The following CDC42BPB variants were observed in gnomAD, a reference collection of about 807,000 sequenced individuals.
CDC42BPB encodes the protein CDC42 binding protein kinase beta, also known as serine/threonine-protein kinase MRCK beta.
A neutral mutation model predicts 214.9 loss-of-function variants in CDC42BPB; 37 were observed. The ratio of observed to expected loss-of-function variants is 0.17; its 90% CI spans 0.13 to 0.23. The LOEUF is 0.23. Among genes scored for constraint, CDC42BPB ranks in the 10% least tolerant of loss-of-function variants. The pLI, the probability that CDC42BPB is intolerant of heterozygous loss-of-function variation, is 1.00. For missense variants in CDC42BPB, 1,694 were observed against 2,227.0 expected (o/e 0.76, Z 4.82); for synonymous variants, 931 against 884.0 (o/e 1.05, Z -0.94).
At position 102,943,262 on chromosome 14, in the gene CDC42BPB, C is replaced by T. The variant is rs1393243678; in HGVS notation, c.4408+629G>A. On this transcript the variant is annotated intron_variant, in intron 30 of 36. Transcript: ENST00000361246. The surrounding 1 kb of genome is among the most constrained non-coding windows in gnomAD (Gnocchi z 4.6). ...GTGCTGGGATTACAGGTGTGAGCCACCGCTCTCCACCCGGTTTAAGGTTTT... is the reference window on the plus strand; with the variant it reads ...GTGCTGGGATTACAGGTGTGAGCCATCGCTCTCCACCCGGTTTAAGGTTTT... Among the ~76,000 whole-genome samples, 1 of 152,184 alleles carries T rather than the reference C, an allele frequency of 6.6e-6. No individual in the cohort carries two copies. The highest frequency in any genetic ancestry group is 1.5e-5 in the Non-Finnish European group (1 of 68,026).
At chr14:102,950,369 CGCA>C (rs1263567123) in intron 25 of CDC42BPB, 94 bp downstream of exon 25, 5 of 1,475,908 alleles carry the variant, frequency 3.4e-6, no homozygotes, top group Non-Finnish European at 3.7e-6. Context: ...GGCCACCTGC[CGCA>C]GCAAGGGGCT....
chr14:103,001,135 T>C lies in CDC42BPB; in HGVS notation c.448-1422A>G, dbSNP rs1894960052. 6.6e-6 allele frequency among the ~76,000 whole-genome samples: 1 copy of C among 152,012 alleles called. No individual in the cohort carries two copies. Among genetic ancestry groups the C allele is most frequent in the African/African-American group, 2.4e-5 (1 of 41,456 alleles). ...TCCACAGCTGTCCCACCCTGTGGAGTCTTCCTCAAGCCTCCCTGCCACCGC... is the reference window on the plus strand; with the variant it reads ...TCCACAGCTGTCCCACCCTGTGGAGCCTTCCTCAAGCCTCCCTGCCACCGC... On this transcript the variant is annotated intron_variant, in intron 4 of 36. Transcript: ENST00000361246. This position sits in a 1 kb window ranked among gnomAD's most constrained non-coding sequence, Gnocchi z 5.8.
intron 1 of CDC42BPB, among the ~76,000 whole-genome samples, chr14:103,044,401 G>T (rs1347411053): frequency 7.4e-6 from 1 of 134,672 alleles, no homozygotes; most frequent in African/African-American, 2.9e-5. Flanking sequence ...ACAGAGTCTC[G>T]CTCTGTCACC....
Position 103,001,810 on chromosome 14 carries a change from G to A in CDC42BPB, c.448-2097C>T, listed in dbSNP as rs754079361. 6.7e-4 allele frequency among the ~76,000 whole-genome samples: 102 copies of A among 152,140 alleles called. No homozygotes were observed. Among genetic ancestry groups the A allele is most frequent in the Non-Finnish European group, 1.2e-3 (80 of 68,022 alleles). ...GGGTCGAGTCAAGCCCTTACTAGCT[G>A]AGCCCCAGCCGCGTCCACGTCTGCC... On this transcript the variant is annotated intron_variant, in intron 4 of 36. Transcript: ENST00000361246. This position sits in a 1 kb window ranked among gnomAD's most constrained non-coding sequence, Gnocchi z 5.8.
At chr14:102,983,458 C>A (rs1017832043) in intron 7 of CDC42BPB, 98 bp downstream of exon 7, 14 of 1,531,242 alleles carry the variant, frequency 9.1e-6, no homozygotes, top group Non-Finnish European at 1.2e-5. Context: ...CTCAACTACT[C>A]GCGTTGCTTC....
chr14:102,990,766 CA>C (rs1894457194), intron 5 of CDC42BPB, among the ~76,000 whole-genome samples: 1 of 152,078 alleles, frequency 6.6e-6, no homozygotes, highest in Admixed American at 6.5e-5. Flanking sequence ...AGGGCATCCT[CA>C]AAAAGTGAAG....
chr14:102,945,872 CG>C (rs1566845516), intron 28 of CDC42BPB, 148 bp from the exon 29 acceptor site: 3 of 674,630 alleles, frequency 4.4e-6, no homozygotes, highest in Non-Finnish European at 2.6e-6. Context: ...ACTTCAGTAT[CG>C]GGGGTGACTT....
At chr14:102,954,797 G>A (rs1892643657) in intron 21 of CDC42BPB, 109 bp from the exon 22 acceptor site, 3 of 1,477,728 alleles carry the variant, frequency 2.0e-6, no homozygotes, top group Non-Finnish European at 2.7e-6. Flanking sequence ...TAGCCCAGAA[G>A]TCCCAGCGGT....
intron 27 of CDC42BPB, among the ~76,000 whole-genome samples, chr14:102,947,347 TG>T (rs1372966104): frequency 2.6e-5 from 4 of 152,166 alleles, no homozygotes; most frequent in Admixed American, 2.6e-4. Context: ...ACAAAAACGC[TG>T]GCTCCAATTG....
intron 4 of CDC42BPB, among the ~76,000 whole-genome samples, chr14:103,002,389 G>A (rs924474074): frequency 6.6e-6 from 1 of 152,208 alleles, no homozygotes; most frequent in African/African-American, 2.4e-5. Context: ...CCTAACTGAC[G>A]TGTGTTAACT....
chr14:103,010,046 G>T (rs1307315022), intron 2 of CDC42BPB, among the ~76,000 whole-genome samples: 2 of 152,208 alleles, frequency 1.3e-5, no homozygotes, highest in Non-Finnish European at 2.9e-5. Context: ...AGCTACTTGG[G>T]AGGCTGGGGC....
At chr14:103,016,866 T>C (rs963557240) in intron 1 of CDC42BPB, among the ~76,000 whole-genome samples, 34 of 152,018 alleles carry the variant, frequency 2.2e-4, no homozygotes, top group African/African-American at 7.3e-4. Flanking sequence ...GCACACCCAG[T>C]GTGGACCATG....
chr14:102,933,999 G>C, intron 36 of CDC42BPB, 156 bp from the exon 37 acceptor site: 3 of 1,377,982 alleles, frequency 2.2e-6, no homozygotes, highest in Non-Finnish European at 2.8e-6. Flanking sequence ...CCAGCGATTC[G>C]TGGGGCCCTT....
chr14:103,034,858 G>C (rs1387890554), intron 1 of CDC42BPB, among the ~76,000 whole-genome samples: 1 of 151,602 alleles, frequency 6.6e-6, no homozygotes, highest in Non-Finnish European at 1.5e-5. Context: ...ATGTAGAGGG[G>C]ACTATGAAAT....
At chr14:103,041,568 A>G in intron 1 of CDC42BPB, 2 of 1,223,418 alleles carry the variant, frequency 1.6e-6, no homozygotes, top group Non-Finnish European at 1.2e-6. Context: ...AGATCCGCAG[A>G]TGCAAGGCCG....
At chr14:102,972,299 G>T in intron 12 of CDC42BPB, 138 bp from the exon 13 acceptor site, 1 of 1,493,894 alleles carries the variant, frequency 6.7e-7, no homozygotes, top group Non-Finnish European at 8.9e-7. Context: ...GATCTGAGCT[G>T]CTTGGAAAAA....
chr14:102,970,770 TA>T (rs1223772273), intron 13 of CDC42BPB, among the ~76,000 whole-genome samples: 1 of 152,136 alleles, frequency 6.6e-6, no homozygotes, highest in Non-Finnish European at 1.5e-5. Context: ...AATTCCTCAT[TA>T]GGGGTATCAC....
intron 30 of CDC42BPB, among the ~76,000 whole-genome samples, chr14:102,942,213 G>A (rs35044711): frequency 0.062 from 9,188 of 147,782 alleles, 332 homozygotes; most frequent in African/African-American, 0.098. Context: ...GCAGGCCCAC[G>A]GCCCAGCCCC....
intron 1 of CDC42BPB, among the ~76,000 whole-genome samples, chr14:103,021,960 A>G (rs1227817584): frequency 2.0e-5 from 3 of 152,264 alleles, no homozygotes; most frequent in South Asian, 2.1e-4. Context: ...AGTTGCCTGC[A>G]TGGGAAGGCT....
Sources: gnomAD v4.1 joint callset for allele counts (sites outside exome capture counted in the v4.1 genomes callset) on GRCh38, gnomAD v4.1.1 for gene constraint, Gnocchi (gnomAD v3.1) non-coding constraint, MANE v1.5 for transcripts, NCBI Gene and HGNC (gene_info 2026-07-23, HGNC 2026-07-21) for gene names.